Variants in AVEN observed in about 807,000 individuals in gnomAD.
The protein encoded by AVEN is cell death regulator Aven.
Under a neutral mutation model 38.1 loss-of-function variants are expected in AVEN, and 41 were observed. The observed-to-expected ratio is 1.08, with a 90% confidence interval of 0.84 to 1.40. The LOEUF (loss-of-function observed/expected upper bound fraction) is 1.40. Ranked by LOEUF, AVEN falls within the 40% of genes most tolerant of loss-of-function variation. The probability of loss-of-function intolerance (pLI) is 0.00; values close to 1 mark genes in which losing one functional copy is unlikely to be tolerated. For missense variants in AVEN, 605 were observed against 438.8 expected (o/e 1.38, Z -3.38); for synonymous variants, 206 against 171.8 (o/e 1.20, Z -1.56).
intron 2 of AVEN, among the ~76,000 whole-genome samples, chr15:33,951,216 G>A (rs1053862514): frequency 3.9e-5 from 6 of 152,148 alleles, no homozygotes; most frequent in African/African-American, 1.4e-4. Flanking sequence ...AGGCCTGTGC[G>A]TGGGAGGGAA....
intron 2 of AVEN, among the ~76,000 whole-genome samples, chr15:33,979,807 G>C (rs1388811689): frequency 6.6e-6 from 1 of 152,178 alleles, no homozygotes; most frequent in Non-Finnish European, 1.5e-5. Flanking sequence ...AGGAGCTCCA[G>C]TGGTCAAGAA....
chr15:33,961,650 A>G lies in AVEN; in HGVS notation c.445+41382T>C, dbSNP rs530711363. 4.0e-5 allele frequency among the ~76,000 whole-genome samples: 6 copies of G among 151,526 alleles called. No individual in the cohort carries two copies. The South Asian group carries it at 1.0e-3, about 26-fold the overall frequency. The stretch of plus-strand genomic sequence containing the variant: ...AACACGGTGAAACCCCGTCTCTACT[A>G]AAAACACAAAAAATTAGCCGGGCGT... On this transcript the variant is annotated intron_variant, in intron 2 of 5. Coordinates refer to ENST00000306730, the MANE Select transcript of AVEN (RefSeq NM_020371.3).
At chr15:33,935,882 AT>A (rs1894041603) in intron 2 of AVEN, among the ~76,000 whole-genome samples, 2 of 152,258 alleles carry the variant, frequency 1.3e-5, no homozygotes, top group East Asian at 3.9e-4. Context: ...CTCCTTTATT[AT>A]TTTAATTTTT....
chr15:34,065,245 C>T (rs1202996014), intron 4 of AVEN: 2 of 152,288 alleles, frequency 1.3e-5, no homozygotes, highest in Non-Finnish European at 2.9e-5. Flanking sequence ...AGATTTTCTC[C>T]AGGCTGTTGA....
At chr15:34,043,049 C>T (rs1397105059), upstream of AVEN, among the ~76,000 whole-genome samples, 1 of 151,928 alleles carries the variant, frequency 6.6e-6, no homozygotes, top group Admixed American at 6.6e-5. Context: ...AGATTGAGAC[C>T]ATCCTGGCTA....
chr15:33,852,793 A>C, the AVEN span: 1 of 398,646 alleles, frequency 2.5e-6, no homozygotes, highest in Middle Eastern at 3.7e-4. Context: ...TTGGCTCCAA[A>C]TCATAATTCT....
chr15:33,860,164 T>G (rs1050853707), intron 11 of AVEN, among the ~76,000 whole-genome samples: 1 of 152,134 alleles, frequency 6.6e-6, no homozygotes, highest in Non-Finnish European at 1.5e-5. Flanking sequence ...TAAATTTAGC[T>G]TGAGTCATGC....
chr15:33,977,145 G>A (rs988312127), intron 2 of AVEN, among the ~76,000 whole-genome samples: 15 of 152,088 alleles, frequency 9.9e-5, no homozygotes, highest in African/African-American at 2.9e-4. Flanking sequence ...AACAAAATCC[G>A]CACTACCTTT....
chr15:34,020,547 C>T (rs980943809), intron 1 of AVEN, among the ~76,000 whole-genome samples: 1 of 152,152 alleles, frequency 6.6e-6, no homozygotes, highest in East Asian at 1.9e-4. Context: ...CAGAACATCC[C>T]CTCTTCTCAC....
chr15:33,910,590 T>C (rs1474093774), intron 2 of AVEN, among the ~76,000 whole-genome samples: 1 of 152,180 alleles, frequency 6.6e-6, no homozygotes, highest in African/African-American at 2.4e-5. Context: ...TGCTCTAGGA[T>C]CTTAAAAAGT....
intron 5 of AVEN, among the ~76,000 whole-genome samples, chr15:34,050,324 GCAA>G (rs1899889211): frequency 1.3e-5 from 2 of 152,176 alleles, no homozygotes; most frequent in Admixed American, 1.3e-4. Flanking sequence ...GGCCTGCCTT[GCAA>G]GAGCTCCTGA....
At chr15:33,878,249 A>G (rs1355672829) in intron 2 of AVEN, among the ~76,000 whole-genome samples, 3 of 152,136 alleles carry the variant, frequency 2.0e-5, no homozygotes, top group African/African-American at 7.2e-5. Flanking sequence ...TAAATGGTAA[A>G]GAAGTTGTCT....
downstream of AVEN, chr15:33,864,221 G>A: frequency 6.4e-7 from 1 of 1,553,574 alleles, no homozygotes; most frequent in Non-Finnish European, 8.8e-7. Context: ...ACCCGTGTTA[G>A]ATCTCCCTTT....
chr15:33,987,799 A>T (rs1223185024), intron 2 of AVEN, among the ~76,000 whole-genome samples: 1 of 152,192 alleles, frequency 6.6e-6, no homozygotes, highest in Non-Finnish European at 1.5e-5. Context: ...ATTCATAATC[A>T]GCGCTGCATG....
At chr15:33,862,466 C>T (rs575844118), downstream of AVEN, among the ~76,000 whole-genome samples, 31 of 152,268 alleles carry the variant, frequency 2.0e-4, no homozygotes, top group African/African-American at 7.2e-4. Flanking sequence ...CTTGGCCTCC[C>T]AGAGTGCTGG....
At chr15:33,959,760 G>A (rs998139414) in intron 2 of AVEN, among the ~76,000 whole-genome samples, 117 of 136,432 alleles carry the variant, frequency 8.6e-4, no homozygotes, top group Non-Finnish European at 3.2e-4. Flanking sequence ...GTCTACCCTG[G>A]AGAAACGTTT....
chr15:33,927,323 CTCT>C (rs1893655441), intron 2 of AVEN, among the ~76,000 whole-genome samples: 6 of 152,062 alleles, frequency 3.9e-5, no homozygotes, highest in African/African-American at 1.4e-4. Context: ...ATGTTAAGTG[CTCT>C]TAACAGTGCC....
At chr15:33,931,355 T>C (rs1384631596) in intron 2 of AVEN, among the ~76,000 whole-genome samples, 2 of 2,782 alleles carry the variant, frequency 7.2e-4, no homozygotes, top group South Asian at 0.015. Flanking sequence ...TTTTCTTTTT[T>C]TTTTTTTTTT....
chr15:34,048,584 C>T (rs779788180), intron 5 of AVEN, among the ~76,000 whole-genome samples: 17 of 152,122 alleles, frequency 1.1e-4, no homozygotes, highest in Non-Finnish European at 2.1e-4. Context: ...GAGGGGCAGC[C>T]GCCATCTCTA....
Sources: gnomAD v4.1 joint callset for allele counts (sites outside exome capture counted in the v4.1 genomes callset) on GRCh38, gnomAD v4.1.1 for gene constraint, MANE v1.5 for transcripts, NCBI Gene and HGNC (gene_info 2026-07-23, HGNC 2026-07-21) for gene names.